GNG4: variants seen among roughly 807,000 people sequenced by gnomAD.
GNG4 encodes G protein subunit gamma 4.
GNG4 carries 4 observed loss-of-function variants against 5.8 expected under a neutral mutation model. The observed-to-expected ratio is 0.69, with a 90% CI of 0.34 to 1.57. The LOEUF is 1.57. GNG4 is among the 40% of genes most tolerant of loss of function. The pLI is 0.06. For synonymous variants in GNG4, 29 were observed against 32.9 expected (o/e 0.88, Z 0.41); for missense variants, 96 against 95.1 (o/e 1.01, Z -0.04).
chr1:235,589,182 C>T (rs1687900775), intron 2 of GNG4, among the ~76,000 whole-genome samples: 1 of 152,326 alleles, frequency 6.6e-6, no homozygotes, highest in East Asian at 1.9e-4. Context: ...GGCTCTAAGC[C>T]ACTGTTGTTT....
intron 1 of GNG4, among the ~76,000 whole-genome samples, chr1:235,631,886 T>C (rs78728707): frequency 0.035 from 5,248 of 152,066 alleles, 288 homozygotes; most frequent in African/African-American, 0.12. Flanking sequence ...CTAATTCCTA[T>C]GAGTGGCAAT....
intron 3 of GNG4, among the ~76,000 whole-genome samples, chr1:235,559,529 G>T (rs572430760): frequency 6.6e-6 from 1 of 152,262 alleles, no homozygotes; most frequent in South Asian, 2.1e-4. Flanking sequence ...GAGGATCCCA[G>T]TAACTACTTC....
In GNG4 at chr1:235,583,847, C is replaced by G. The variant is rs753566789; in HGVS notation, c.-9G>C. On this transcript the variant is annotated splice_region_variant and 5_prime_UTR_variant, in exon 3 of 4. Transcript: ENST00000391854. ...GACATGCCCTCTTTCATTCTACTGC[C>G]CCTAGAAGTAACCAAAGTAAAAGGG... 9 of 1,599,838 alleles carry G rather than the reference C, an allele frequency of 5.6e-6. No individual in the cohort carries two copies. In the East Asian group the frequency reaches 2.0e-4, roughly 36 times the overall value.
rs936334897 is a variant in GNG4 at position 235,619,779 on chromosome 1, T to G, written c.-122-24268A>C. On this transcript the variant is annotated intron_variant, in intron 1 of 3. Transcript: ENST00000391854. ...CTACCAGAAAATAACACTCAAAGTTTATGACTCTGGAAGATTTTGCTTTCC... is the reference window on the plus strand; with the variant it reads ...CTACCAGAAAATAACACTCAAAGTTGATGACTCTGGAAGATTTTGCTTTCC... Among the ~76,000 whole-genome samples, 5 of 152,232 alleles carry G rather than the reference T, an allele frequency of 3.3e-5. No homozygotes were observed. The East Asian group carries it at 5.8e-4, about 18-fold the overall frequency.
intron 3 of GNG4, among the ~76,000 whole-genome samples, chr1:235,570,500 G>A (rs1687305444): frequency 6.7e-6 from 1 of 148,992 alleles, no homozygotes; most frequent in South Asian, 2.1e-4. Flanking sequence ...GGGTTCAAGC[G>A]ATTCTCCTGC....
At position 235,551,954 on chromosome 1, in the gene GNG4, C is replaced by A; in HGVS notation, c.*155G>T. The A allele has an allele frequency of 1.8e-6, 1 of 542,828 alleles. No homozygotes were observed. The highest frequency in any genetic ancestry group is 3.3e-6 in the Non-Finnish European group (1 of 302,322). 33.6% of individuals were successfully genotyped at this position (542,828 alleles called of 1,614,324 possible). On this transcript the variant is annotated 3_prime_UTR_variant, in exon 4 of 4. Coordinates refer to ENST00000391854, the MANE Select transcript of GNG4 (RefSeq NM_001098722.2). ...AAAGGAAAAAAATGAAATTGAATGCCACGAAGAAAACAGATGGAAACATAA... is the reference window on the plus strand; with the variant it reads ...AAAGGAAAAAAATGAAATTGAATGCAACGAAGAAAACAGATGGAAACATAA...
chr1:235,615,754 G>C (rs1027208829), intron 1 of GNG4: 28 of 253,266 alleles, frequency 1.1e-4, no homozygotes, highest in East Asian at 1.1e-4. Context: ...CAGGAGGAGG[G>C]GGGTGATGGA....
intron 3 of GNG4, among the ~76,000 whole-genome samples, chr1:235,564,965 G>A (rs1468425537): frequency 6.6e-6 from 1 of 152,194 alleles, no homozygotes; most frequent in Non-Finnish European, 1.5e-5. Flanking sequence ...TTACAGGCGT[G>A]AGCCACAGCG....
chr1:235,562,311 A>G (rs1394564585), intron 3 of GNG4, among the ~76,000 whole-genome samples: 1 of 152,108 alleles, frequency 6.6e-6, no homozygotes, highest in Non-Finnish European at 1.5e-5. Flanking sequence ...TTTCCATATA[A>G]ACTTTAAAAT....
At chr1:235,624,586 C>T (rs1166067870) in intron 1 of GNG4, among the ~76,000 whole-genome samples, 1 of 152,198 alleles carries the variant, frequency 6.6e-6, no homozygotes, top group Non-Finnish European at 1.5e-5. Context: ...AATGAATTTT[C>T]TATAACCATT....
chr1:235,586,320 T>C (rs1393533107), intron 2 of GNG4, among the ~76,000 whole-genome samples: 2 of 152,102 alleles, frequency 1.3e-5, no homozygotes, highest in Non-Finnish European at 2.9e-5. Context: ...GGTGTGTCTG[T>C]ATGTGCCCAC....
chr1:235,556,512 C>T lies in GNG4; in HGVS notation c.100-4275G>A, dbSNP rs1340212555. On this transcript the variant is annotated intron_variant, in intron 3 of 3. Coordinates refer to ENST00000391854, the MANE Select transcript of GNG4 (RefSeq NM_001098722.2). ...GTCAGAGGTTGCAGTGAGCTGAGGT[C>T]GCGCCACTGCACTCCAGCCTGGCGA... 5.7e-5 allele frequency among the ~76,000 whole-genome samples: 8 copies of T among 140,780 alleles called. No individual in the cohort carries two copies. The East Asian group carries it at 6.7e-4, about 12-fold the overall frequency. The allele number at this position is 140,780 out of a possible 152,430, so 92.4% of individuals were successfully genotyped here.
chr1:235,562,907 T>A (rs144261527), intron 3 of GNG4, among the ~76,000 whole-genome samples: 1 of 152,172 alleles, frequency 6.6e-6, no homozygotes, highest in South Asian at 2.1e-4. Context: ...TCTTTTTACA[T>A]TCAACCTGAG....
chr1:235,587,244 G>C (rs982777020), intron 2 of GNG4, among the ~76,000 whole-genome samples: 1 of 51,192 alleles, frequency 2.0e-5, no homozygotes, highest in Non-Finnish European at 3.5e-5. Flanking sequence ...TGTGAGGTGG[G>C]GTGTGTGTGA....
chr1:235,552,060 C>T lies in GNG4; in HGVS notation c.*49G>A, dbSNP rs780142189. On this transcript the variant is annotated 3_prime_UTR_variant, in exon 4 of 4. Transcript: ENST00000391854. ...AGGCTTAGAGCATGCATGGTCTCTACAGGGGACTTTGAAGGTCAGAAAAGG... is the reference window on the plus strand; with the variant it reads ...AGGCTTAGAGCATGCATGGTCTCTATAGGGGACTTTGAAGGTCAGAAAAGG... 55 of 1,586,786 alleles carry T rather than the reference C, an allele frequency of 3.5e-5. No homozygotes were observed. The highest frequency in any genetic ancestry group is 1.1e-4 in the African/African-American group (8 of 74,380).
intron 1 of GNG4, among the ~76,000 whole-genome samples, chr1:235,627,622 T>G (rs6429206): frequency 0.58 from 88,308 of 152,038 alleles, 27,951 homozygotes; most frequent in African/African-American, 0.82. Flanking sequence ...TGATCACCAC[T>G]GATGCATGCA....
chr1:235,594,541 A>G (rs1177733530), intron 2 of GNG4, among the ~76,000 whole-genome samples: 4 of 152,180 alleles, frequency 2.6e-5, no homozygotes, highest in Non-Finnish European at 4.4e-5. Flanking sequence ...GGGGAGGCTC[A>G]GGCATGGTGG....
At position 235,639,646 on chromosome 1, in the gene GNG4, C is replaced by T. The variant is rs571065320; in HGVS notation, c.-123+10016G>A. Among the ~76,000 whole-genome samples the T allele has an allele frequency of 1.5e-4, 23 of 152,244 alleles. No individual in the cohort carries two copies. The South Asian group carries it at 3.5e-3, about 23-fold the overall frequency. ...GCAACCTCTGCCTCCTGGGTTCAGG[C>T]GATTCTCCTGCCTCACAACCAGCTA... On this transcript the variant is annotated intron_variant, in intron 1 of 3. Transcript: ENST00000391854.
chr1:235,584,129 C>CCACCACCAT (rs1217518504), intron 2 of GNG4, among the ~76,000 whole-genome samples: 2 of 152,210 alleles, frequency 1.3e-5, no homozygotes, highest in Non-Finnish European at 2.9e-5. Context: ...CCCACCACTG[C>CCACCACCAT]CACCACCATC....
Sources: gnomAD v4.1 joint callset for allele counts (sites outside exome capture counted in the v4.1 genomes callset) on GRCh38, gnomAD v4.1.1 for gene constraint, MANE v1.5 for transcripts, NCBI Gene and HGNC (gene_info 2026-07-23, HGNC 2026-07-21) for gene names.